Variants in GPRC5A observed in about 807,000 individuals in gnomAD.
GPRC5A encodes G protein-coupled receptor class C group 5 member A.
In GPRC5A, 19 loss-of-function variants were observed where a neutral mutation model predicts 22.5. That is an observed-to-expected ratio of 0.85 (90% CI 0.59 to 1.24). GPRC5A has a LOEUF of 1.24. Ranked by LOEUF, GPRC5A falls within the 50% of genes most tolerant of loss-of-function variation. The pLI is 0.00. For synonymous variants in GPRC5A, 192 were observed against 184.5 expected (o/e 1.04, Z -0.33); for missense variants, 471 against 451.1 (o/e 1.04, Z -0.40).
At chr12:12,896,242 A>C (rs1342961096) in intron 1 of GPRC5A, among the ~76,000 whole-genome samples, 4 of 152,208 alleles carry the variant, frequency 2.6e-5, no homozygotes, top group African/African-American at 9.6e-5. Context: ...GGAAGTGTAG[A>C]AATTGGGATG....
At chr12:12,899,363 T>G (rs1000552260) in intron 1 of GPRC5A, among the ~76,000 whole-genome samples, 1 of 152,144 alleles carries the variant, frequency 6.6e-6, no homozygotes, top group African/African-American at 2.4e-5. Flanking sequence ...TGGAGACTTC[T>G]CAGCAAGCCA....
Position 12,915,885 on chromosome 12 carries a change from C to T in GPRC5A, c.*3346C>T, listed in dbSNP as rs1456520850. On this transcript the variant is annotated 3_prime_UTR_variant, in exon 4 of 4. Coordinates refer to ENST00000014914, the MANE Select transcript of GPRC5A (RefSeq NM_003979.4). ...AGGGGCAGGCCAGCCCTGCACTGAA[C>T]GCCTGTTCTTGCCAGGTGGCAGAAG... 9.5e-6 allele frequency: 5 copies of T among 527,072 alleles called. No homozygotes were observed. The highest frequency in any genetic ancestry group is 4.2e-5 in the South Asian group (3 of 70,678). The allele number at this position is 527,072 out of a possible 1,614,324, so 32.6% of individuals were successfully genotyped here.
intron 1 of GPRC5A, among the ~76,000 whole-genome samples, chr12:12,893,320 C>A (rs1863783844): frequency 6.6e-6 from 1 of 152,126 alleles, no homozygotes; most frequent in African/African-American, 2.4e-5. Flanking sequence ...GAATGGTAAT[C>A]GAAGACAACA....
intron 1 of GPRC5A, among the ~76,000 whole-genome samples, chr12:12,896,827 A>C (rs928552453): frequency 6.6e-6 from 1 of 152,224 alleles, no homozygotes; most frequent in Non-Finnish European, 1.5e-5. Context: ...TAGGCAGCTC[A>C]GCAGTGATAT....
At chr12:12,892,160 T>G (rs1258703107) in intron 1 of GPRC5A, 1 of 152,204 alleles carries the variant, frequency 6.6e-6, no homozygotes, top group Non-Finnish European at 1.5e-5. Context: ...GGGAATTAGA[T>G]CTAGAAGCCC....
rs915653907 is a variant in GPRC5A, at chr12:12,917,725, C to T, written c.*5186C>T. 3 of 152,150 alleles carry T rather than the reference C, an allele frequency of 2.0e-5. No homozygotes were observed. The highest frequency in any genetic ancestry group is 2.9e-5 in the Non-Finnish European group (2 of 68,034). 9.4% of individuals were successfully genotyped at this position (152,150 alleles called of 1,614,324 possible). ...TTCCACATCAAATGAACATTGGCTTCCTGGGACAGAAGGCCTTCAAAGGAG... is the reference window on the plus strand; with the variant it reads ...TTCCACATCAAATGAACATTGGCTTTCTGGGACAGAAGGCCTTCAAAGGAG... On this transcript the variant is annotated 3_prime_UTR_variant, in exon 4 of 4. Coordinates refer to ENST00000014914, the MANE Select transcript of GPRC5A (RefSeq NM_003979.4).
chr12:12,905,782 G>A (rs962412594), intron 1 of GPRC5A, among the ~76,000 whole-genome samples: 1 of 152,146 alleles, frequency 6.6e-6, no homozygotes, highest in Non-Finnish European at 1.5e-5. Context: ...AAGATTGTAG[G>A]GGCAGAGAAA....
chr12:12,899,936 G>A (rs946240568), intron 1 of GPRC5A, among the ~76,000 whole-genome samples: 20 of 152,238 alleles, frequency 1.3e-4, no homozygotes, highest in Non-Finnish European at 1.8e-4. Flanking sequence ...GAAGGACTGC[G>A]TAGAATAAGC....
At chr12:12,896,172 C>G (rs777567169) in intron 1 of GPRC5A, among the ~76,000 whole-genome samples, 5 of 152,084 alleles carry the variant, frequency 3.3e-5, no homozygotes, top group African/African-American at 7.2e-5. Context: ...TCACATTAAT[C>G]AAGTCTACAT....
chr12:12,902,384 A>G (rs1266605729), intron 1 of GPRC5A, among the ~76,000 whole-genome samples: 1 of 152,064 alleles, frequency 6.6e-6, no homozygotes, highest in Non-Finnish European at 1.5e-5. Context: ...AGAATTGGGA[A>G]ATATGAATCC....
intron 1 of GPRC5A, among the ~76,000 whole-genome samples, chr12:12,907,324 C>T (rs936098724): frequency 2.7e-5 from 4 of 146,230 alleles, no homozygotes; most frequent in African/African-American, 7.4e-5. Flanking sequence ...TCACTTGAGC[C>T]CGGGAGGCGG....
At chr12:12,899,111 C>T (rs1863853871) in intron 1 of GPRC5A, among the ~76,000 whole-genome samples, 1 of 152,126 alleles carries the variant, frequency 6.6e-6, no homozygotes, top group African/African-American at 2.4e-5. Flanking sequence ...TCACTGCAGC[C>T]TCGAGTTCCT....
At chr12:12,901,911 A>C (rs1226886497) in intron 1 of GPRC5A, among the ~76,000 whole-genome samples, 1 of 152,130 alleles carries the variant, frequency 6.6e-6, no homozygotes, top group Admixed American at 6.5e-5. Context: ...AATAATATCC[A>C]AACCACCGCT....
At chr12:12,910,794 C>A (rs534586862) in intron 2 of GPRC5A, among the ~76,000 whole-genome samples, 98 of 152,066 alleles carry the variant, frequency 6.4e-4, no homozygotes, top group African/African-American at 2.2e-3. Context: ...ATGTACCTGT[C>A]ATATGTTCCT....
In GPRC5A at chr12:12,894,772, GTTTT is replaced by G. The variant is rs56794431; in HGVS notation, c.-8+3129_-8+3132del. On this transcript the variant is annotated intron_variant, in intron 1 of 3. Transcript: ENST00000014914. ...AGTTGGTGCATAAAAGTCTAGGATGGTTTTTTTTTTTTTTTTTTTTTTTTGAGAC... is the reference window on the plus strand; with the variant it reads ...AGTTGGTGCATAAAAGTCTAGGATGGTTTTTTTTTTTTTTTTTTTTGAGAC... 7.4e-5 allele frequency among the ~76,000 whole-genome samples: 5 copies of G among 67,466 alleles called. No individual in the cohort carries two copies. The Admixed American group carries it at 7.7e-4, about 10-fold the overall frequency. 44.3% of individuals were successfully genotyped at this position (67,466 alleles called of 152,430 possible).
intron 1 of GPRC5A, among the ~76,000 whole-genome samples, chr12:12,904,398 C>A (rs1340578104): frequency 6.6e-6 from 1 of 152,124 alleles, no homozygotes; most frequent in Non-Finnish European, 1.5e-5. Flanking sequence ...CTTGTGGTAG[C>A]GATGGCTGTG....
At chr12:12,910,127 G>C (rs920449560) in intron 2 of GPRC5A, among the ~76,000 whole-genome samples, 5 of 152,034 alleles carry the variant, frequency 3.3e-5, no homozygotes, top group East Asian at 1.9e-4. Context: ...CTAATCACAG[G>C]GGGTGGGTGG....
Position 12,894,863 on chromosome 12 carries a change from CT to C in GPRC5A, c.-8+3200del, listed in dbSNP as rs541969183. The stretch of plus-strand genomic sequence containing the variant: ...GTGCGATCACGGCTCACTGCAAGCT[CT>C]GCCTCCCGGGTTCACGCCATTCTCC... On this transcript the variant is annotated intron_variant, in intron 1 of 3. Transcript: ENST00000014914. 3.6e-3 allele frequency among the ~76,000 whole-genome samples: 485 copies of C among 135,514 alleles called. 4 individuals carry two copies. The highest frequency in any genetic ancestry group is 0.012 in the African/African-American group (466 of 37,776). The allele number at this position is 135,514 out of a possible 152,430, so 88.9% of individuals were successfully genotyped here.
At chr12:12,909,486 A>C (rs1565465516) in intron 2 of GPRC5A, 5 of 246,420 alleles carry the variant, frequency 2.0e-5, no homozygotes, top group Admixed American at 4.9e-5. Flanking sequence ...TGTGCATCAA[A>C]ATAAGATGCA....
Sources: gnomAD v4.1 joint callset for allele counts (sites outside exome capture counted in the v4.1 genomes callset) on GRCh38, gnomAD v4.1.1 for gene constraint, MANE v1.5 for transcripts, NCBI Gene and HGNC (gene_info 2026-07-23, HGNC 2026-07-21) for gene names.